SYNE1: variants seen among roughly 807,000 people sequenced by gnomAD.
SYNE1 encodes the protein spectrin repeat containing nuclear envelope protein 1.
A neutral mutation model predicts 1,111.0 loss-of-function variants in SYNE1; 616 were observed. The observed-to-expected ratio is 0.55, with a 90% confidence interval of 0.52 to 0.59. The LOEUF (loss-of-function observed/expected upper bound fraction) is 0.59. Ranked by LOEUF, SYNE1 falls within the 20% of genes least tolerant of loss-of-function variation. The pLI is 0.00. For missense variants in SYNE1, 10,006 were observed against 10,417.0 expected (o/e 0.96, Z 1.72); for synonymous variants, 3,855 against 3,825.8 (o/e 1.01, Z -0.28).
rs754541640 is a variant in SYNE1 at position 152,385,853 on chromosome 6, A to G, written c.8488-15T>C. 6.2e-7 allele frequency: 1 copy of G among 1,613,708 alleles called. No homozygotes were observed. The highest frequency in any genetic ancestry group is 1.7e-5 in the Admixed American group (1 of 59,996). ...CTCATTTTTTCCTAGTAAACAAAGAAAAGACTACCTTAACAGTGGTCCTTT... is the reference window on the plus strand; with the variant it reads ...CTCATTTTTTCCTAGTAAACAAAGAGAAGACTACCTTAACAGTGGTCCTTT... On this transcript the variant is annotated splice_polypyrimidine_tract_variant and intron_variant, in intron 54 of 145. Coordinates refer to ENST00000367255, the MANE Select transcript of SYNE1 (RefSeq NM_182961.4).
intron 82 of SYNE1, among the ~76,000 whole-genome samples, chr6:152,322,969 G>A (rs71575925): frequency 6.6e-6 from 1 of 152,186 alleles, no homozygotes; most frequent in African/African-American, 2.4e-5. Context: ...GGTAGACACT[G>A]AGTCTGTATG....
intron 6 of SYNE1, 127 bp downstream of exon 6, chr6:152,520,332 A>G: frequency 1.1e-6 from 1 of 932,904 alleles, no homozygotes; most frequent in Non-Finnish European, 1.7e-6. Context: ...ATACAATGAT[A>G]TTGTATGTCT....
chr6:152,149,597 T>C lies in SYNE1; in HGVS notation c.24522A>G (p.Ile8174Met). The change falls in exon 136 of 146, where the codon ATA becomes ATG. Residue 8174 changes from isoleucine to methionine, a missense_variant. Coordinates refer to ENST00000367255, the MANE Select transcript of SYNE1 (RefSeq NM_182961.4). ...CTGCATCCAAGGGCTCACTCTTTTC[T>C]ATCAGCTGTTCTCCTTGGGCAATTA... Reference protein sequence around the residue: ...EQIIAQGEQLIEKSEPLDAAI... With the variant: ...EQIIAQGEQLMEKSEPLDAAI... The C allele has an allele frequency of 1.2e-6, 2 of 1,614,224 alleles. No individual in the cohort carries two copies. The highest frequency in any genetic ancestry group is 1.7e-6 in the Non-Finnish European group (2 of 1,180,036).
rs2090463583 is a variant in SYNE1, at chr6:152,255,007, C to G, written c.19343G>C (p.Gly6448Ala). The G allele has an allele frequency of 6.2e-7, 1 of 1,613,802 alleles. No homozygotes were observed. Among genetic ancestry groups the G allele is most frequent in the African/African-American group, 1.3e-5 (1 of 75,032 alleles). ...NLFSQAFPEN[G>A]DNRDVIEDTL... is the part of the protein sequence containing the mutation. ...ATCTTCAATAACATCTCGATTATCA[C>G]CATTCTCTGGAAAAGCTTGGGAAAA... The change falls in exon 104 of 146, where the codon GGT becomes GCT. Residue 6448 changes from glycine (G) to alanine (A), a missense_variant. Gly to Ala is a moderately conservative substitution (Grantham distance 60, BLOSUM62 0). Coordinates refer to ENST00000367255, the MANE Select transcript of SYNE1 (RefSeq NM_182961.4).
chr6:152,124,587 TATAA>T (rs1481472787), intron 145 of SYNE1, among the ~76,000 whole-genome samples: 2 of 152,194 alleles, frequency 1.3e-5, no homozygotes, highest in African/African-American at 4.8e-5. Context: ...GATTTGTCAG[TATAA>T]ATAATCTCCC....
rs968939351 is a variant in SYNE1 at position 152,599,543 on chromosome 6, G to C, written c.67+28722C>G. 2.0e-5 allele frequency among the ~76,000 whole-genome samples: 3 copies of C among 152,236 alleles called. No homozygotes were observed. The East Asian group carries it at 5.8e-4, about 29-fold the overall frequency. On this transcript the variant is annotated intron_variant, in intron 3 of 145. Transcript: ENST00000367255. Reference sequence around the variant, plus strand: ...TGTCTACAAGAGCCAGATACATCAGGGTTTTTTGCCTAATTTTTAGATAAA... The same window carrying C: ...TGTCTACAAGAGCCAGATACATCAGCGTTTTTTGCCTAATTTTTAGATAAA...
chr6:152,458,700 C>T, intron 22 of SYNE1, 57 bp downstream of exon 22: 1 of 1,575,784 alleles, frequency 6.3e-7, no homozygotes, highest in East Asian at 2.2e-5. Flanking sequence ...TAAGCAACAC[C>T]CTGGTCTTGT....
At chr6:152,219,230 C>A (rs906879423) in intron 119 of SYNE1, 45 bp from the exon 120 acceptor site, 45 of 1,582,624 alleles carry the variant, frequency 2.8e-5, no homozygotes, top group Non-Finnish European at 3.5e-5. Context: ...TGTTGATACT[C>A]CTTATCATAA....
chr6:152,308,481 C>A lies in SYNE1; in HGVS notation c.17346+8G>T. ...CTGCCCTCGGTATTTCGCCTACATT[C>A]CTCTCACCTCATGCCGAGAAATCTG... On this transcript the variant is annotated splice_region_variant and intron_variant, in intron 91 of 145. Coordinates refer to ENST00000367255, the MANE Select transcript of SYNE1 (RefSeq NM_182961.4). 6.2e-7 allele frequency: 1 copy of A among 1,614,072 alleles called. No individual in the cohort carries two copies. The highest frequency in any genetic ancestry group is 1.3e-5 in the African/African-American group (1 of 75,022).
intron 3 of SYNE1, among the ~76,000 whole-genome samples, chr6:152,590,866 G>A (rs1159172430): frequency 6.6e-6 from 1 of 152,050 alleles, no homozygotes; most frequent in Non-Finnish European, 1.5e-5. Context: ...TTGACTATTT[G>A]GGCTCTTTTT....
chr6:152,227,776 T>A (rs1166489034), intron 115 of SYNE1, among the ~76,000 whole-genome samples: 2 of 152,148 alleles, frequency 1.3e-5, no homozygotes, highest in Admixed American at 1.3e-4. Flanking sequence ...TTAGAAACTA[T>A]TTCTAAAATG....
At chr6:152,611,538 A>T (rs965831997) in intron 3 of SYNE1, among the ~76,000 whole-genome samples, 36 of 152,158 alleles carry the variant, frequency 2.4e-4, no homozygotes, top group Admixed American at 1.6e-3. Context: ...ACTCCCACAG[A>T]ATAATAATGG....
intron 34 of SYNE1, among the ~76,000 whole-genome samples, chr6:152,431,431 G>A (rs1223089316): frequency 2.0e-5 from 3 of 152,148 alleles, no homozygotes; most frequent in Admixed American, 6.5e-5. Flanking sequence ...TATTTCAACT[G>A]GGGGAAGAAA....
intron 77 of SYNE1, among the ~76,000 whole-genome samples, chr6:152,333,071 A>T (rs979957587): frequency 2.6e-5 from 4 of 152,256 alleles, no homozygotes; most frequent in African/African-American, 7.2e-5. Flanking sequence ...TGATTTCATG[A>T]TATCTAGAAC....
rs759219567 is a variant in SYNE1, at chr6:152,294,138, A to G, written c.17683-11T>C. ...GTAATATGCAATGTCCTGTGAGTGCAAAGCACAGTATTGAATTAAACAAAA... is the reference window on the plus strand; with the variant it reads ...GTAATATGCAATGTCCTGTGAGTGCGAAGCACAGTATTGAATTAAACAAAA... On this transcript the variant is annotated splice_polypyrimidine_tract_variant and intron_variant, in intron 93 of 145. Coordinates refer to ENST00000367255, the MANE Select transcript of SYNE1 (RefSeq NM_182961.4). The G allele has an allele frequency of 8.3e-5, 134 of 1,613,032 alleles. No individual in the cohort carries two copies. In the East Asian group the frequency reaches 3.0e-3, roughly 36 times the overall value.
At chr6:152,541,184 G>C (rs1241141766) in intron 3 of SYNE1, among the ~76,000 whole-genome samples, 2 of 152,190 alleles carry the variant, frequency 1.3e-5, no homozygotes, top group African/African-American at 4.8e-5. Flanking sequence ...AGTTTGACAG[G>C]AACAGCGTTG....
intron 119 of SYNE1, among the ~76,000 whole-genome samples, chr6:152,220,110 C>T (rs538675774): frequency 1.1e-4 from 17 of 152,308 alleles, no homozygotes; most frequent in African/African-American, 3.8e-4. Flanking sequence ...AAATACCCAT[C>T]TTTAGCTTTA....
At chr6:152,472,523 C>A in intron 14 of SYNE1, 110 bp from the exon 15 acceptor site, 2 of 988,536 alleles carry the variant, frequency 2.0e-6, no homozygotes, top group Non-Finnish European at 3.1e-6. Context: ...ACAATTTGAT[C>A]CCGCTGCCAC....
chr6:152,502,493 C>T (rs1419040580), intron 10 of SYNE1, 140 bp downstream of exon 10: 5 of 725,396 alleles, frequency 6.9e-6, no homozygotes, highest in South Asian at 4.5e-5. Context: ...ATCATCACCC[C>T]ATTTGGTGAT....
Sources: allele counts gnomAD v4.1 joint callset (sites outside exome capture counted in the v4.1 genomes callset), GRCh38; gene constraint gnomAD v4.1.1; transcripts MANE v1.5; gene names NCBI Gene and HGNC (gene_info 2026-07-23, HGNC 2026-07-21).